Variants in CHD5 observed in about 807,000 individuals in gnomAD.
CHD5 encodes the protein chromodomain helicase DNA binding protein 5.
In CHD5, 69 loss-of-function variants were observed where a neutral mutation model predicts 230.3. That is an observed-to-expected ratio of 0.30 (90% CI 0.25 to 0.37). The LOEUF (loss-of-function observed/expected upper bound fraction) is 0.37. CHD5 is among the 10% of genes least tolerant of loss of function. CHD5 has a pLI of 1.00. For missense variants in CHD5, 1,827 were observed against 2,622.8 expected, an observed-to-expected ratio of 0.70 and a Z score of 6.63; for synonymous variants, 1,064 against 1,065.9, an observed-to-expected ratio of 1.00 and a Z score of 0.03.
chr1:6,137,252 C>T (rs1356654886), intron 15 of CHD5, among the ~76,000 whole-genome samples: 1 of 152,170 alleles, frequency 6.6e-6, no homozygotes, highest in Non-Finnish European at 1.5e-5. Context: ...GGACTACAGG[C>T]ATGCCTTACC....
rs1666154188 is a variant in CHD5 at position 6,105,820 on chromosome 1, C to T, written c.*47-393G>A. Among the ~76,000 whole-genome samples, 1 of 152,220 alleles carries T rather than the reference C, an allele frequency of 6.6e-6. No individual in the cohort carries two copies. The highest frequency in any genetic ancestry group is 2.4e-5 in the African/African-American group (1 of 41,456). ...CAAAACCCTCAGCCACCCTCCTGGT[C>T]CTGGGCAGGAAGTGAGGGTGTAAGA... On this transcript the variant is annotated intron_variant, in intron 41 of 41. Coordinates refer to ENST00000262450, the MANE Select transcript of CHD5 (RefSeq NM_015557.3). The surrounding 1 kb of genome is among the most constrained non-coding windows in gnomAD (Gnocchi z 4.8).
intron 17 of CHD5, 116 bp downstream of exon 17, chr1:6,136,401 A>T: frequency 8.2e-7 from 1 of 1,213,688 alleles, no homozygotes; most frequent in Non-Finnish European, 1.2e-6. Context: ...CTCCCATTTT[A>T]CTGATGAGGA....
intron 2 of CHD5, among the ~76,000 whole-genome samples, chr1:6,164,801 C>T (rs1480430051): frequency 6.6e-6 from 1 of 152,206 alleles, no homozygotes; most frequent in Non-Finnish European, 1.5e-5. Context: ...TCCCAGCCCC[C>T]TTCCCCTTCC....
intron 33 of CHD5, among the ~76,000 whole-genome samples, chr1:6,119,243 C>T (rs964524252): frequency 2.0e-5 from 3 of 151,950 alleles, no homozygotes; most frequent in South Asian, 2.1e-4. Flanking sequence ...GGACTACTGG[C>T]GCTCGCCACC....
chr1:6,118,626 A>G (rs769441441), intron 33 of CHD5, among the ~76,000 whole-genome samples: 7 of 152,170 alleles, frequency 4.6e-5, no homozygotes, highest in Non-Finnish European at 8.8e-5. Context: ...AAGTGATTAA[A>G]TGTTCTGGAA....
chr1:6,118,506 T>C (rs1382413713), intron 33 of CHD5, among the ~76,000 whole-genome samples: 1 of 151,940 alleles, frequency 6.6e-6, no homozygotes, highest in Non-Finnish European at 1.5e-5. Context: ...TCCATTGGTA[T>C]GAAATGTTCA....
chr1:6,125,485 G>A lies in CHD5; in HGVS notation c.4260+39C>T. ...CTCCATACCCCAGGGGCAGCAGGAA[G>A]CAGGGGCAGAAAGAGATGCGGGAAC... On this transcript the variant is annotated intron_variant, in intron 28 of 41. Coordinates refer to ENST00000262450, the MANE Select transcript of CHD5 (RefSeq NM_015557.3). The surrounding 1 kb of genome is among the most constrained non-coding windows in gnomAD (Gnocchi z 6.7). The A allele has an allele frequency of 6.5e-7, 1 of 1,542,404 alleles. No individual in the cohort carries two copies. Among genetic ancestry groups the A allele is most frequent in the South Asian group, 1.2e-5 (1 of 84,096 alleles).
At chr1:6,113,547 T>G (rs1571139969) in intron 33 of CHD5, 1 of 245,498 alleles carries the variant, frequency 4.1e-6, no homozygotes, top group Non-Finnish European at 8.3e-6. Context: ...CAGGTTGGGG[T>G]GATGAGACAC....
rs769350913 is a variant in CHD5, at chr1:6,111,900, G to T, written c.5141-17C>A. 6.2e-7 allele frequency: 1 copy of T among 1,607,234 alleles called. No individual in the cohort carries two copies. Among genetic ancestry groups the T allele is most frequent in the Non-Finnish European group, 8.5e-7 (1 of 1,174,970 alleles). On this transcript the variant is annotated splice_polypyrimidine_tract_variant and intron_variant, in intron 35 of 41. Transcript: ENST00000262450. ...TGTGCAACTCTGGGAAACAAGCCAA[G>T]GTGAGCAGGGTGAGAAGTGCCCCAG...
chr1:6,140,584 C>T (rs1039521269), intron 15 of CHD5, among the ~76,000 whole-genome samples: 1 of 152,138 alleles, frequency 6.6e-6, no homozygotes, highest in African/African-American at 2.4e-5. Flanking sequence ...TGAGAAAACA[C>T]TGAGACCCAG....
chr1:6,125,368 T>C lies in CHD5; in HGVS notation c.4261-135A>G, dbSNP rs758556785. ...CACAGAGAAGGCAGGGGCCTCCACC[T>C]GGGGCAGGACCCTGACGGCGAAGAC... On this transcript the variant is annotated intron_variant, in intron 28 of 41. Transcript: ENST00000262450. This position sits in a 1 kb window ranked among gnomAD's most constrained non-coding sequence, Gnocchi z 6.7. 18 of 1,193,730 alleles carry C rather than the reference T, an allele frequency of 1.5e-5. No homozygotes were observed. The highest frequency in any genetic ancestry group is 3.0e-5 in the African/African-American group (2 of 65,642). The allele number at this position is 1,193,730 out of a possible 1,614,324, so 73.9% of individuals were successfully genotyped here. A position where few individuals can be genotyped will look rare whatever the true frequency, so the allele number is the denominator to read the frequency against.
At position 6,131,816 on chromosome 1, in the gene CHD5, C is replaced by A; in HGVS notation, c.3145-68G>T. On this transcript the variant is annotated intron_variant, in intron 20 of 41. Transcript: ENST00000262450. The surrounding 1 kb of genome is among the most constrained non-coding windows in gnomAD (Gnocchi z 5.0). ...GGGCCCCATGGGCCATGGGCGGGGA[C>A]CCCGCCACAGGCAGGGGAGGAGAGA... 1 of 957,192 alleles carries A rather than the reference C, an allele frequency of 1.0e-6. No homozygotes were observed. The highest frequency in any genetic ancestry group is 1.7e-6 in the Non-Finnish European group (1 of 601,068). The allele number at this position is 957,192 out of a possible 1,614,324, so 59.3% of individuals were successfully genotyped here.
At chr1:6,157,339 C>T (rs924682948) in intron 3 of CHD5, among the ~76,000 whole-genome samples, 2 of 152,240 alleles carry the variant, frequency 1.3e-5, no homozygotes, top group Non-Finnish European at 2.9e-5. Flanking sequence ...TGCTGCTGCC[C>T]TCATTCTCAG....
chr1:6,149,197 GGA>G (rs745488854), intron 8 of CHD5, 47 bp downstream of exon 8: 1 of 1,513,404 alleles, frequency 6.6e-7, no homozygotes, highest in Non-Finnish European at 8.9e-7. Context: ...CAGGGGTGGG[GGA>G]GCCAGGCGTG....
chr1:6,178,352 G>T (rs1046120864), intron 1 of CHD5, among the ~76,000 whole-genome samples: 4 of 152,096 alleles, frequency 2.6e-5, no homozygotes, highest in Non-Finnish European at 5.9e-5. Context: ...GTGTAAGATG[G>T]GAAAGACAGC....
chr1:6,124,193 G>T (rs911769669), intron 30 of CHD5, 86 bp from the exon 31 acceptor site: 1 of 1,274,622 alleles, frequency 7.8e-7, no homozygotes, highest in African/African-American at 1.5e-5. Flanking sequence ...CAGCCAGGGG[G>T]GCTGAAAGTG....
At position 6,121,412 on chromosome 1, in the gene CHD5, G is replaced by A. The variant is rs369770605; in HGVS notation, c.4779+82C>T. On this transcript the variant is annotated intron_variant, in intron 32 of 41. Coordinates refer to ENST00000262450, the MANE Select transcript of CHD5 (RefSeq NM_015557.3). The surrounding 1 kb of genome is among the most constrained non-coding windows in gnomAD (Gnocchi z 4.5). Reference sequence around the variant, plus strand: ...AGCCAGGAGGCCTGGGTTCCACCTCGCTGTACAGGGCCTGAGAAGGTCCCC... The same window carrying A: ...AGCCAGGAGGCCTGGGTTCCACCTCACTGTACAGGGCCTGAGAAGGTCCCC... 2.0e-5 allele frequency: 30 copies of A among 1,477,472 alleles called. No homozygotes were observed. Among genetic ancestry groups the A allele is most frequent in the South Asian group, 1.1e-4 (9 of 85,534 alleles). The allele number at this position is 1,477,472 out of a possible 1,614,324, so 91.5% of individuals were successfully genotyped here.
At chr1:6,173,761 C>G (rs114449310) in intron 1 of CHD5, among the ~76,000 whole-genome samples, 1 of 152,172 alleles carries the variant, frequency 6.6e-6, no homozygotes, top group South Asian at 2.1e-4. Context: ...TTGGCCACTG[C>G]TGGGCCAGAG....
In CHD5 at chr1:6,125,879, G is replaced by A. The variant is rs1488612119; in HGVS notation, c.4079-21C>T. 1 of 1,585,952 alleles carries A rather than the reference G, an allele frequency of 6.3e-7. No homozygotes were observed. The highest frequency in any genetic ancestry group is 8.6e-7 in the Non-Finnish European group (1 of 1,158,234). On this transcript the variant is annotated intron_variant, in intron 26 of 41. Transcript: ENST00000262450. The surrounding 1 kb of genome is among the most constrained non-coding windows in gnomAD (Gnocchi z 6.7). Reference sequence around the variant, plus strand: ...CCACTCTGCAGGGGGCCAGACAGAGGGGCACGGAGTGAGCTGTACAAGCAA... The same window carrying A: ...CCACTCTGCAGGGGGCCAGACAGAGAGGCACGGAGTGAGCTGTACAAGCAA...
Sources: allele counts gnomAD v4.1 joint callset (sites outside exome capture counted in the v4.1 genomes callset), GRCh38; gene constraint gnomAD v4.1.1; non-coding constraint Gnocchi (gnomAD v3.1); transcripts MANE v1.5; gene names NCBI Gene and HGNC (gene_info 2026-07-23, HGNC 2026-07-21).